The following ALDH5A1 variants were observed in gnomAD, a reference collection of about 807,000 sequenced individuals.
The protein encoded by ALDH5A1 is aldehyde dehydrogenase 5 family member A1, also known as succinate-semialdehyde dehydrogenase, mitochondrial.
In ALDH5A1, 33 loss-of-function variants were observed where a neutral mutation model predicts 54.7. That is an observed-to-expected ratio of 0.60 (90% CI 0.46 to 0.81). The LOEUF (loss-of-function observed/expected upper bound fraction) is 0.81. Ranked by LOEUF, ALDH5A1 falls within the 30% of genes least tolerant of loss-of-function variation. The probability of loss-of-function intolerance (pLI) is 0.00; values close to 1 mark genes in which losing one functional copy is unlikely to be tolerated. For synonymous variants in ALDH5A1, 294 were observed against 292.7 expected, an observed-to-expected ratio of 1.00 and a Z score of -0.05; for missense variants, 657 against 711.0, an observed-to-expected ratio of 0.92 and a Z score of 0.86.
chr6:24,515,723 A>G (rs1341237298), intron 5 of ALDH5A1, among the ~76,000 whole-genome samples: 1 of 152,188 alleles, frequency 6.6e-6, no homozygotes, highest in Admixed American at 6.5e-5. Flanking sequence ...TCTGTTTCAA[A>G]AAAAAGGTCT....
rs182388889 is a variant in ALDH5A1, at chr6:24,534,726, G to A, written c.*1014G>A. On this transcript the variant is annotated 3_prime_UTR_variant, in exon 10 of 10. Transcript: ENST00000357578. ...TACTGTCAGTGGCTTTGCCAAGATG[G>A]GAGGAGGCCAGTGCCCACTTGCCCA... is the stretch of plus-strand genomic sequence containing the variant. The A allele has an allele frequency of 6.6e-6, 1 of 152,460 alleles. No individual in the cohort carries two copies. The highest frequency in any genetic ancestry group is 6.5e-5 in the Admixed American group (1 of 15,302). The allele number at this position is 152,460 out of a possible 1,614,324, so 9.4% of individuals were successfully genotyped here.
chr6:24,513,899 T>C (rs568497007), intron 4 of ALDH5A1, among the ~76,000 whole-genome samples: 1 of 152,338 alleles, frequency 6.6e-6, no homozygotes, highest in Admixed American at 6.5e-5. Flanking sequence ...TTGTAATTTG[T>C]GGTTTGTGGA....
intron 9 of ALDH5A1, among the ~76,000 whole-genome samples, chr6:24,533,216 G>A (rs1759968864): frequency 6.6e-6 from 1 of 152,160 alleles, no homozygotes; most frequent in African/African-American, 2.4e-5. Context: ...CGAAAGGCTT[G>A]GGCAAAAATG....
intron 6 of ALDH5A1, among the ~76,000 whole-genome samples, chr6:24,522,433 C>T (rs1420274941): frequency 7.0e-6 from 1 of 142,644 alleles, no homozygotes. Flanking sequence ...AAATAAAAGC[C>T]ATTTGAAAAA....
chr6:24,495,376 C>G, intron 1 of ALDH5A1, 26 bp downstream of exon 1: 1 of 1,529,688 alleles, frequency 6.5e-7, no homozygotes, highest in South Asian at 1.2e-5. Context: ...TGCAGGGGGC[C>G]AGAGCTGGCC....
intron 7 of ALDH5A1, among the ~76,000 whole-genome samples, chr6:24,526,917 C>CTA (rs3032298): frequency 0.013 from 1,278 of 100,400 alleles, 38 homozygotes; most frequent in African/African-American, 0.048. Flanking sequence ...TATATATATT[C>CTA]TATATATATC....
At chr6:24,532,603 G>A (rs1413376412) in intron 9 of ALDH5A1, among the ~76,000 whole-genome samples, 1 of 152,200 alleles carries the variant, frequency 6.6e-6, no homozygotes, top group Non-Finnish European at 1.5e-5. Context: ...GATGGTGTGT[G>A]CAGAGGTGCC....
At chr6:24,522,199 A>G (rs1346589043) in intron 6 of ALDH5A1, among the ~76,000 whole-genome samples, 1 of 152,096 alleles carries the variant, frequency 6.6e-6, no homozygotes, top group African/African-American at 2.4e-5. Context: ...AGTCCCACCT[A>G]CTTGGGAGGC....
In ALDH5A1 at chr6:24,518,604, C is replaced by T. The variant is rs920690882; in HGVS notation, c.871-1797C>T. The stretch of plus-strand genomic sequence containing the variant: ...AAAAAAAGTTTAAATAGTTATGTTG[C>T]GTCCGATAAAGAAATATGTTTAGTC... On this transcript the variant is annotated intron_variant, in intron 5 of 9. Coordinates refer to ENST00000357578, the MANE Select transcript of ALDH5A1 (RefSeq NM_001080.3). The surrounding 1 kb of genome is among the most constrained non-coding windows in gnomAD (Gnocchi z 4.2). Among the ~76,000 whole-genome samples the T allele has an allele frequency of 7.2e-5, 11 of 152,166 alleles. No individual in the cohort carries two copies. The highest frequency in any genetic ancestry group is 2.2e-4 in the African/African-American group (9 of 41,436).
intron 1 of ALDH5A1, among the ~76,000 whole-genome samples, chr6:24,498,959 G>T (rs920602940): frequency 6.6e-6 from 1 of 152,078 alleles, no homozygotes; most frequent in African/African-American, 2.4e-5. Flanking sequence ...AATCAGCTGG[G>T]CGTGGTGGTG....
intron 9 of ALDH5A1, among the ~76,000 whole-genome samples, chr6:24,532,587 AG>A (rs947140571): frequency 6.6e-5 from 10 of 152,160 alleles, no homozygotes; most frequent in Non-Finnish European, 2.9e-5. Context: ...CAATGAAAGG[AG>A]TGAAGATGGT....
chr6:24,516,157 C>T (rs1759565740), intron 5 of ALDH5A1, among the ~76,000 whole-genome samples: 1 of 151,922 alleles, frequency 6.6e-6, no homozygotes, highest in African/African-American at 2.4e-5. Flanking sequence ...CAAAAGAGGG[C>T]CGGGCGCGGT....
At position 24,509,350 on chromosome 6, in the gene ALDH5A1, C is replaced by T. The variant is rs1759421421; in HGVS notation, c.726+4365C>T. On this transcript the variant is annotated intron_variant, in intron 4 of 9. Transcript: ENST00000357578. This position sits in a 1 kb window ranked among gnomAD's most constrained non-coding sequence, Gnocchi z 4.7. The stretch of plus-strand genomic sequence containing the variant: ...CCCACATGTGGCTTGCCAATTATCC[C>T]AGCACCATTTGTTGAGGGAGGATTC... Among the ~76,000 whole-genome samples the T allele has an allele frequency of 6.6e-6, 1 of 152,170 alleles. No homozygotes were observed. The highest frequency in any genetic ancestry group is 2.1e-4 in the South Asian group (1 of 4,830).
rs142373741 is a variant in ALDH5A1, at chr6:24,503,433, G to T, written c.609G>T (p.Pro203=). 1 of 1,611,746 alleles carries T rather than the reference G, an allele frequency of 6.2e-7. No individual in the cohort carries two copies. The highest frequency in any genetic ancestry group is 8.5e-7 in the Non-Finnish European group (1 of 1,179,864). Reference sequence around the variant, plus strand: ...TAGGCGTGGCTGCAGTCATCACCCCGGTAGGTGACAGGATCAGCAAGATCC... The same window carrying T: ...TAGGCGTGGCTGCAGTCATCACCCCTGTAGGTGACAGGATCAGCAAGATCC... The part of the protein sequence containing the change: ...QPIGVAAVIT[P]WNFPSAMITR... Residue 203 remains proline, a splice_region_variant and synonymous_variant, in exon 3 of 10, where the codon CCG becomes CCT. Transcript: ENST00000357578.
chr6:24,523,786 G>A (rs935288215), intron 7 of ALDH5A1, among the ~76,000 whole-genome samples: 1 of 152,154 alleles, frequency 6.6e-6, no homozygotes, highest in African/African-American at 2.4e-5. Flanking sequence ...AGCCGGGGGT[G>A]CAGAATCACA....
At chr6:24,515,100 T>C (rs971099735) in intron 4 of ALDH5A1, 67 bp from the exon 5 acceptor site, 8 of 1,505,942 alleles carry the variant, frequency 5.3e-6, no homozygotes, top group African/African-American at 1.4e-5. Flanking sequence ...TATTTCTCTT[T>C]TCTTTTTTTT....
Position 24,518,595 on chromosome 6 carries a change from G to T in ALDH5A1, c.871-1806G>T, listed in dbSNP as rs1759616882. Among the ~76,000 whole-genome samples, 1 of 152,198 alleles carries T rather than the reference G, an allele frequency of 6.6e-6. No individual in the cohort carries two copies. The highest frequency in any genetic ancestry group is 2.4e-5 in the African/African-American group (1 of 41,446). ...TAAAAACATAAAAAAAGTTTAAATA[G>T]TTATGTTGCGTCCGATAAAGAAATA... is the stretch of plus-strand genomic sequence containing the variant. On this transcript the variant is annotated intron_variant, in intron 5 of 9. Coordinates refer to ENST00000357578, the MANE Select transcript of ALDH5A1 (RefSeq NM_001080.3). This position sits in a 1 kb window ranked among gnomAD's most constrained non-coding sequence, Gnocchi z 4.2.
At chr6:24,512,379 A>G (rs1239682092) in intron 4 of ALDH5A1, among the ~76,000 whole-genome samples, 3 of 152,192 alleles carry the variant, frequency 2.0e-5, no homozygotes, top group Admixed American at 6.5e-5. Context: ...GGGAGCTGCA[A>G]TCTAGTCCTG....
rs960562496 is a variant in ALDH5A1 at position 24,537,103 on chromosome 6, A to T, written c.*3391A>T. 4.6e-5 allele frequency: 7 copies of T among 152,662 alleles called. No individual in the cohort carries two copies. Among genetic ancestry groups the T allele is most frequent in the African/African-American group, 1.7e-4 (7 of 41,456 alleles). The allele number at this position is 152,662 out of a possible 1,614,324, so 9.5% of individuals were successfully genotyped here. The stretch of plus-strand genomic sequence containing the variant: ...AAAGTTTTGCTTTTAAAACGTGGAC[A>T]TAACTCATTTTTCTAGTTTTTGACA... On this transcript the variant is annotated 3_prime_UTR_variant, in exon 10 of 10. Transcript: ENST00000357578.
Sources: gnomAD v4.1 joint callset for allele counts (sites outside exome capture counted in the v4.1 genomes callset) on GRCh38, gnomAD v4.1.1 for gene constraint, Gnocchi (gnomAD v3.1) non-coding constraint, MANE v1.5 for transcripts, NCBI Gene and HGNC (gene_info 2026-07-23, HGNC 2026-07-21) for gene names.